The following EPHA6 variants were observed in gnomAD, a reference collection of about 807,000 sequenced individuals.
The protein encoded by EPHA6 is ephrin type-A receptor 6.
A neutral mutation model predicts 112.0 loss-of-function variants in EPHA6; 50 were observed. That is an observed-to-expected ratio of 0.45 (90% CI 0.36 to 0.56). EPHA6 has a LOEUF of 0.56. Ranked by LOEUF, EPHA6 falls within the 20% of genes least tolerant of loss-of-function variation. The probability of loss-of-function intolerance (pLI) is 0.00; values close to 1 mark genes in which losing one functional copy is unlikely to be tolerated. For synonymous variants in EPHA6, 529 were observed against 490.7 expected (o/e 1.08, Z -1.03); for missense variants, 1,280 against 1,417.4 (o/e 0.90, Z 1.56).
At chr3:96,982,003 C>T (rs1389770355) in intron 2 of EPHA6, among the ~76,000 whole-genome samples, 1 of 152,052 alleles carries the variant, frequency 6.6e-6, no homozygotes, top group Non-Finnish European at 1.5e-5. Flanking sequence ...TTCAAAAAAC[C>T]ATCCACTGGA....
At chr3:97,373,746 CT>C (rs1323155525) in intron 5 of EPHA6, among the ~76,000 whole-genome samples, 1 of 151,978 alleles carries the variant, frequency 6.6e-6, no homozygotes, top group Non-Finnish European at 1.5e-5. Context: ...TGCTATCTTG[CT>C]TTATATTACT....
chr3:97,458,420 A>G (rs1426833951), intron 7 of EPHA6, among the ~76,000 whole-genome samples: 1 of 152,156 alleles, frequency 6.6e-6, no homozygotes, highest in Non-Finnish European at 1.5e-5. Flanking sequence ...GTTATCTTAT[A>G]TTTGCTGGAT....
chr3:97,459,267 A>G (rs2090804141), intron 7 of EPHA6, among the ~76,000 whole-genome samples: 1 of 152,214 alleles, frequency 6.6e-6, no homozygotes, highest in South Asian at 2.1e-4. Context: ...CCTGTGCCAA[A>G]GGCATCAGCA....
intron 13 of EPHA6, among the ~76,000 whole-genome samples, chr3:97,637,032 A>G (rs1467011069): frequency 1.3e-5 from 2 of 152,076 alleles, no homozygotes; most frequent in East Asian, 1.9e-4. Context: ...TTTGTTTACT[A>G]TTTGTATCTG....
intron 5 of EPHA6, among the ~76,000 whole-genome samples, chr3:97,298,327 C>T (rs2080952562): frequency 6.6e-6 from 1 of 152,126 alleles, no homozygotes; most frequent in Non-Finnish European, 1.5e-5. Flanking sequence ...TCTACACGTC[C>T]ATCTCAGTGT....
chr3:97,033,336 C>T (rs1044060356), intron 3 of EPHA6, among the ~76,000 whole-genome samples: 3 of 151,866 alleles, frequency 2.0e-5, no homozygotes, highest in African/African-American at 7.3e-5. Flanking sequence ...ATAATGTAGA[C>T]AAAATTTAAC....
chr3:96,877,738 A>T (rs1334309436), intron 2 of EPHA6, among the ~76,000 whole-genome samples: 1 of 150,682 alleles, frequency 6.6e-6, no homozygotes, highest in Non-Finnish European at 1.5e-5. Flanking sequence ...AAATGAATTG[A>T]CTTGGTTTTA....
chr3:97,510,241 G>T (rs2092338632), intron 10 of EPHA6, among the ~76,000 whole-genome samples: 1 of 152,184 alleles, frequency 6.6e-6, no homozygotes, highest in Non-Finnish European at 1.5e-5. Context: ...CTTGTGAGGA[G>T]CTGTGATCCT....
chr3:97,489,986 G>A (rs568765527), intron 10 of EPHA6, among the ~76,000 whole-genome samples: 2 of 151,988 alleles, frequency 1.3e-5, no homozygotes, highest in South Asian at 4.2e-4. Context: ...CATCTTATTT[G>A]GAACCATTTA....
intron 7 of EPHA6, 79 bp downstream of exon 7, chr3:97,448,809 G>A (rs1577445123): frequency 7.1e-7 from 1 of 1,414,096 alleles, no homozygotes; most frequent in Non-Finnish European, 9.9e-7. Context: ...AAAACCAGGT[G>A]TCCCAAGTTT....
At chr3:97,168,490 G>A (rs554140851) in intron 3 of EPHA6, among the ~76,000 whole-genome samples, 44 of 151,974 alleles carry the variant, frequency 2.9e-4, no homozygotes, top group South Asian at 8.3e-4. Context: ...CCCCTTGCAC[G>A]TGTCCATGTT....
chr3:97,705,951 C>T (rs149687510), intron 14 of EPHA6, among the ~76,000 whole-genome samples: 1 of 152,264 alleles, frequency 6.6e-6, no homozygotes, highest in African/African-American at 2.4e-5. Flanking sequence ...GAGCCATCTG[C>T]TGTCCACAAT....
At chr3:97,090,944 A>G (rs573182298) in intron 3 of EPHA6, among the ~76,000 whole-genome samples, 1 of 152,266 alleles carries the variant, frequency 6.6e-6, no homozygotes, top group African/African-American at 2.4e-5. Context: ...TAAAAGAGTT[A>G]GATGTTTTAA....
intron 7 of EPHA6, among the ~76,000 whole-genome samples, chr3:97,452,037 C>T (rs968477793): frequency 6.6e-6 from 1 of 151,912 alleles, no homozygotes; most frequent in Non-Finnish European, 1.5e-5. Flanking sequence ...TTTGACTTTG[C>T]TAATGACCAA....
At chr3:97,346,681 T>G (rs79106380) in intron 5 of EPHA6, among the ~76,000 whole-genome samples, 2 of 151,510 alleles carry the variant, frequency 1.3e-5, no homozygotes. Context: ...TTTTTTTTTT[T>G]GTCAAAACCT....
At chr3:96,994,211 G>A (rs1227299739) in intron 3 of EPHA6, 8 of 408,366 alleles carry the variant, frequency 2.0e-5, no homozygotes, top group Admixed American at 4.7e-5. Context: ...AAGCAAACAC[G>A]AATAATTTGG....
intron 3 of EPHA6, among the ~76,000 whole-genome samples, chr3:97,105,465 GCAATT>G (rs2047536964): frequency 1.3e-5 from 2 of 152,070 alleles, no homozygotes; most frequent in African/African-American, 2.4e-5. Context: ...ATGGTTTTGA[GCAATT>G]GTTTAAGTCT....
chr3:97,094,752 G>C (rs541573850), intron 3 of EPHA6, among the ~76,000 whole-genome samples: 2 of 152,032 alleles, frequency 1.3e-5, no homozygotes, highest in African/African-American at 2.4e-5. Flanking sequence ...ATTTTAAAAG[G>C]CTTCAACATT....
chr3:97,010,087 A>G (rs1291374643), intron 3 of EPHA6: 2 of 1,285,794 alleles, frequency 1.6e-6, no homozygotes, highest in Non-Finnish European at 2.0e-6. Context: ...AGAAAAAGCA[A>G]AAGAGTAGCA....
Sources: allele counts gnomAD v4.1 joint callset (sites outside exome capture counted in the v4.1 genomes callset), GRCh38; gene constraint gnomAD v4.1.1; transcripts MANE v1.5; gene names NCBI Gene and HGNC (gene_info 2026-07-23, HGNC 2026-07-21).